ERP44: variants seen among roughly 807,000 people sequenced by gnomAD.
The protein encoded by ERP44 is endoplasmic reticulum resident protein 44.
In ERP44, 25 loss-of-function variants were observed where a neutral mutation model predicts 53.4. That is an observed-to-expected ratio of 0.47 (90% CI 0.34 to 0.65). The LOEUF (loss-of-function observed/expected upper bound fraction) is 0.65, where lower values mean the gene tolerates loss of function less well. Among genes scored for constraint, ERP44 ranks in the 30% least tolerant of loss-of-function variants. The pLI, the probability that ERP44 is intolerant of heterozygous loss-of-function variation, is 0.01. For missense variants in ERP44, 338 were observed against 493.2 expected (o/e 0.69, Z 2.98); for synonymous variants, 145 against 161.2 (o/e 0.90, Z 0.76).
intron 1 of ERP44, among the ~76,000 whole-genome samples, chr9:100,075,410 C>G (rs1192109505): frequency 6.6e-6 from 1 of 152,266 alleles, no homozygotes; most frequent in African/African-American, 2.4e-5. Context: ...TATACCTTTA[C>G]TGTCCTACCT....
intron 1 of ERP44, among the ~76,000 whole-genome samples, chr9:100,069,338 A>C: frequency 2.1e-5 from 1 of 47,626 alleles, no homozygotes; most frequent in Non-Finnish European, 5.0e-5. Flanking sequence ...AAAAAAGAAA[A>C]GAAGCATTTA....
chr9:100,039,478 A>C (rs2118684991), intron 4 of ERP44, among the ~76,000 whole-genome samples: 1 of 152,286 alleles, frequency 6.6e-6, no homozygotes, highest in South Asian at 2.1e-4. Flanking sequence ...AATTTTATTG[A>C]AACAAATAAT....
chr9:99,998,460 A>C, intron 10 of ERP44: 1 of 671,956 alleles, frequency 1.5e-6, no homozygotes. Flanking sequence ...CCGTCATCAC[A>C]CCTCTGCACT....
chr9:99,995,023 A>G (rs1308211484), intron 10 of ERP44, among the ~76,000 whole-genome samples: 1 of 152,032 alleles, frequency 6.6e-6, no homozygotes, highest in East Asian at 1.9e-4. Context: ...CTTCAGCAGC[A>G]TTTTGTAACT....
At chr9:100,082,959 G>A (rs913577295) in intron 1 of ERP44, among the ~76,000 whole-genome samples, 1 of 152,086 alleles carries the variant, frequency 6.6e-6, no homozygotes, top group African/African-American at 2.4e-5. Context: ...TTGGAATGGA[G>A]AAGGAATTTC....
chr9:100,001,568 CT>C (rs1274531875), intron 10 of ERP44, among the ~76,000 whole-genome samples: 3 of 152,042 alleles, frequency 2.0e-5, no homozygotes, highest in African/African-American at 7.2e-5. Context: ...CTGAATTGAT[CT>C]CTTTATATTT....
At chr9:100,032,925 T>TA (rs1179243390) in intron 4 of ERP44, among the ~76,000 whole-genome samples, 16 of 152,352 alleles carry the variant, frequency 1.1e-4, no homozygotes, top group Admixed American at 3.3e-4. Flanking sequence ...TGGACCTAAC[T>TA]AATAGAGGAC....
intron 2 of ERP44, among the ~76,000 whole-genome samples, chr9:100,059,080 A>C (rs957490096): frequency 6.6e-6 from 1 of 152,200 alleles, no homozygotes; most frequent in Non-Finnish European, 1.5e-5. Flanking sequence ...TACATGCTAA[A>C]GTTCATGGAA....
chr9:100,080,594 G>A (rs1001827865), intron 1 of ERP44, among the ~76,000 whole-genome samples: 1 of 152,098 alleles, frequency 6.6e-6, no homozygotes, highest in African/African-American at 2.4e-5. Context: ...TGCATATACT[G>A]TAAGGCTAAT....
At chr9:100,073,421 C>T (rs1826325592) in intron 1 of ERP44, among the ~76,000 whole-genome samples, 1 of 152,032 alleles carries the variant, frequency 6.6e-6, no homozygotes, top group African/African-American at 2.4e-5. Context: ...GTCAAGAGAC[C>T]TAGGTTTTGG....
chr9:100,063,092 AAGAG>A (rs1554709799), intron 1 of ERP44, among the ~76,000 whole-genome samples: 97 of 145,276 alleles, frequency 6.7e-4, no homozygotes, highest in Non-Finnish European at 1.2e-3. Flanking sequence ...AAAAAAAAAA[AAGAG>A]AGAGAGAGAG....
At chr9:99,999,564 T>G (rs1478330537) in intron 10 of ERP44, among the ~76,000 whole-genome samples, 2 of 152,236 alleles carry the variant, frequency 1.3e-5, no homozygotes, top group African/African-American at 2.4e-5. Flanking sequence ...TTGGATTCTT[T>G]ATATATTTTA....
In ERP44 at chr9:99,981,866, G is replaced by A. The variant is rs777578595; in HGVS notation, c.*746C>T. The A allele has an allele frequency of 6.6e-6, 1 of 152,166 alleles. No individual in the cohort carries two copies. The highest frequency in any genetic ancestry group is 2.1e-4 in the South Asian group (1 of 4,832). 9.4% of individuals were successfully genotyped at this position (152,166 alleles called of 1,614,324 possible). ...GTCATCTAGTTCTGATTGGTAGCCT[G>A]TTCCACTGTCACCTCCCTGTCCCAG... On this transcript the variant is annotated 3_prime_UTR_variant, in exon 12 of 12. Coordinates refer to ENST00000262455, the MANE Select transcript of ERP44 (RefSeq NM_015051.3).
rs372753293 is a variant in ERP44, at chr9:100,098,869, G to C, written c.-29C>G. On this transcript the variant is annotated 5_prime_UTR_variant, in exon 1 of 12. Coordinates refer to ENST00000262455, the MANE Select transcript of ERP44 (RefSeq NM_015051.3). ...AACGCTGGGGTCCGTGACAGGGACA[G>C]GCGCTGGCGGCTGGGACTGGGCTAG... 6.2e-7 allele frequency: 1 copy of C among 1,605,850 alleles called. No homozygotes were observed. Among genetic ancestry groups the C allele is most frequent in the African/African-American group, 1.3e-5 (1 of 74,724 alleles).
At chr9:100,029,184 T>C (rs1038478009) in intron 4 of ERP44, among the ~76,000 whole-genome samples, 6 of 149,546 alleles carry the variant, frequency 4.0e-5, no homozygotes, top group Admixed American at 4.0e-4. Context: ...AATAGACAAA[T>C]GGGATTTTAT....
chr9:99,986,688 A>AT (rs1830198440), intron 10 of ERP44, among the ~76,000 whole-genome samples: 1 of 152,168 alleles, frequency 6.6e-6, no homozygotes, highest in African/African-American at 2.4e-5. Flanking sequence ...TTGTATACCC[A>AT]TTTTGGCTCC....
At chr9:100,079,943 CAA>C (rs11334671) in intron 1 of ERP44, among the ~76,000 whole-genome samples, 134 of 121,494 alleles carry the variant, frequency 1.1e-3, no homozygotes, top group East Asian at 3.7e-3. Flanking sequence ...TTAAAAAAAA[CAA>C]AAAAAAAAAA....
chr9:100,007,601 G>A lies in ERP44; in HGVS notation c.851C>T (p.Ala284Val), dbSNP rs779387092. The change falls in exon 9 of 12, where the codon GCT becomes GTT. Residue 284 changes from alanine (A) to valine (V), a missense_variant. By Grantham distance (64) the Ala-to-Val change is moderately conservative. Transcript: ENST00000262455. ...ESLEIFQNEVARQLISEKGTI... is the reference protein window; with the variant it reads ...ESLEIFQNEVVRQLISEKGTI... ...ACCTTTTTCACTTATTAATTGCCGA[G>A]CTACTTCATTCTGGAATATTTCTAA... 4 of 1,558,148 alleles carry A rather than the reference G, an allele frequency of 2.6e-6. No individual in the cohort carries two copies. In the South Asian group the frequency reaches 3.3e-5, roughly 13 times the overall value.
chr9:99,998,989 A>G (rs1042055372), intron 10 of ERP44: 11 of 1,289,360 alleles, frequency 8.5e-6, no homozygotes, highest in Admixed American at 1.7e-5. Context: ...GTCGGCGGCA[A>G]AGAACTGGAA....
Sources: gnomAD v4.1 joint callset for allele counts (sites outside exome capture counted in the v4.1 genomes callset) on GRCh38, gnomAD v4.1.1 for gene constraint, MANE v1.5 for transcripts, NCBI Gene and HGNC (gene_info 2026-07-23, HGNC 2026-07-21) for gene names.